LDLRAD3: variants seen among roughly 807,000 people sequenced by gnomAD.
LDLRAD3 encodes low-density lipoprotein receptor class A domain-containing protein 3.
A neutral mutation model predicts 29.4 loss-of-function variants in LDLRAD3; 20 were observed. The ratio of observed to expected loss-of-function variants is 0.68; its 90% confidence interval spans 0.48 to 0.99. The LOEUF is 0.99. LDLRAD3 is among the 50% of genes least tolerant of loss of function. LDLRAD3 has a pLI of 0.00. For synonymous variants in LDLRAD3, 157 were observed against 192.7 expected, an observed-to-expected ratio of 0.81 and a Z score of 1.53; for missense variants, 420 against 454.3, an observed-to-expected ratio of 0.92 and a Z score of 0.69.
intron 1 of LDLRAD3, among the ~76,000 whole-genome samples, chr11:36,026,618 G>C (rs1329709630): frequency 6.6e-6 from 1 of 152,216 alleles, no homozygotes; most frequent in African/African-American, 2.4e-5. Flanking sequence ...ACAGATTTCA[G>C]TAAAGAAGCC....
At chr11:35,959,473 T>A (rs1309905624) in intron 1 of LDLRAD3, among the ~76,000 whole-genome samples, 1 of 152,238 alleles carries the variant, frequency 6.6e-6, no homozygotes, top group African/African-American at 2.4e-5. Context: ...AAGATTAACT[T>A]GGGTGCTTTA....
chr11:36,008,015 G>T (rs1851906410), intron 1 of LDLRAD3, among the ~76,000 whole-genome samples: 1 of 152,208 alleles, frequency 6.6e-6, no homozygotes, highest in Non-Finnish European at 1.5e-5. Flanking sequence ...GGACTGTTCA[G>T]CCTACCTGAG....
At chr11:35,946,696 C>G (rs1301085665) in intron 1 of LDLRAD3, among the ~76,000 whole-genome samples, 1 of 152,184 alleles carries the variant, frequency 6.6e-6, no homozygotes, top group South Asian at 2.1e-4. Context: ...TGACCTTTGC[C>G]TAGACTTCCT....
At chr11:35,959,644 A>C (rs1420650705) in intron 1 of LDLRAD3, among the ~76,000 whole-genome samples, 1 of 152,154 alleles carries the variant, frequency 6.6e-6, no homozygotes, top group East Asian at 1.9e-4. Context: ...AAATGTGGCT[A>C]GGTGTGGTGG....
At chr11:36,187,249 T>A (rs1259075420) in intron 4 of LDLRAD3, among the ~76,000 whole-genome samples, 1 of 152,210 alleles carries the variant, frequency 6.6e-6, no homozygotes, top group African/African-American at 2.4e-5. Flanking sequence ...TGCTTAGAAC[T>A]ATATAAAGTA....
chr11:36,113,373 T>G (rs868787881), intron 4 of LDLRAD3, among the ~76,000 whole-genome samples: 9 of 151,708 alleles, frequency 5.9e-5, no homozygotes, highest in South Asian at 2.1e-4. Flanking sequence ...CCAAGACCAC[T>G]ACAGTGGTTA....
intron 4 of LDLRAD3, among the ~76,000 whole-genome samples, chr11:36,102,740 A>C (rs1379334134): frequency 6.6e-6 from 1 of 152,180 alleles, no homozygotes; most frequent in Non-Finnish European, 1.5e-5. Flanking sequence ...ATAGCTGTGG[A>C]GCAGGCTTTC....
chr11:36,165,976 C>CCTCCCTCCCTCCCTTCCTTCCTT (rs1554970298), intron 4 of LDLRAD3, among the ~76,000 whole-genome samples: 1 of 101,406 alleles, frequency 9.9e-6, no homozygotes, highest in African/African-American at 5.1e-5. Flanking sequence ...CTCCCTCCCT[C>CCTCCCTCCCTCCCTTCCTTCCTT]CCTTCCTTCC....
intron 3 of LDLRAD3, among the ~76,000 whole-genome samples, chr11:36,095,664 G>A (rs1487396029): frequency 6.6e-6 from 1 of 152,198 alleles, no homozygotes; most frequent in African/African-American, 2.4e-5. Flanking sequence ...TCCTTGGAAA[G>A]TTTGAGAGGT....
chr11:36,193,850 G>A (rs1246182601), intron 4 of LDLRAD3, among the ~76,000 whole-genome samples: 2 of 152,060 alleles, frequency 1.3e-5, no homozygotes. Context: ...TTGGAGGTCT[G>A]ACAGATTTGG....
chr11:35,945,975 A>T (rs911247839), intron 1 of LDLRAD3, among the ~76,000 whole-genome samples: 2 of 152,222 alleles, frequency 1.3e-5, no homozygotes, highest in African/African-American at 4.8e-5. Context: ...GTTTTCCATT[A>T]TCTGTGGGCT....
intron 2 of LDLRAD3, among the ~76,000 whole-genome samples, chr11:36,055,047 A>G (rs1406352991): frequency 9.9e-4 from 5 of 5,046 alleles, no homozygotes; most frequent in Admixed American, 1.9e-3. Context: ...GGATGCATGG[A>G]TGGATAGATG....
At chr11:36,076,740 T>C (rs1476088241) in intron 2 of LDLRAD3, among the ~76,000 whole-genome samples, 1 of 152,192 alleles carries the variant, frequency 6.6e-6, no homozygotes, top group African/African-American at 2.4e-5. Flanking sequence ...AATCTTACAA[T>C]ATATTTACAT....
chr11:36,177,342 G>A (rs1376412297), intron 4 of LDLRAD3, among the ~76,000 whole-genome samples: 1 of 152,092 alleles, frequency 6.6e-6, no homozygotes, highest in Non-Finnish European at 1.5e-5. Context: ...TCTTGATTTG[G>A]ATCCATTGCT....
intron 4 of LDLRAD3, among the ~76,000 whole-genome samples, chr11:36,180,496 C>T (rs1322850867): frequency 2.6e-5 from 4 of 152,028 alleles, no homozygotes; most frequent in Non-Finnish European, 4.4e-5. Flanking sequence ...AGGAGGCCTG[C>T]GAGGAGAGTG....
At chr11:36,123,771 C>T (rs908369848) in intron 4 of LDLRAD3, among the ~76,000 whole-genome samples, 6 of 152,212 alleles carry the variant, frequency 3.9e-5, no homozygotes, top group Non-Finnish European at 8.8e-5. Context: ...ACAGTGCCGA[C>T]CCCCTGACTC....
At chr11:36,015,630 C>G (rs938042419) in intron 1 of LDLRAD3, among the ~76,000 whole-genome samples, 3 of 151,702 alleles carry the variant, frequency 2.0e-5, no homozygotes, top group Non-Finnish European at 2.9e-5. Flanking sequence ...AACCCCAGAG[C>G]CCCGGTGGTG....
intron 1 of LDLRAD3, among the ~76,000 whole-genome samples, chr11:35,969,496 A>G (rs929350083): frequency 2.0e-5 from 3 of 152,208 alleles, no homozygotes; most frequent in Non-Finnish European, 2.9e-5. Flanking sequence ...TCATTGTGAT[A>G]GGCGTTTTGG....
chr11:35,949,460 G>C (rs1200147426), intron 1 of LDLRAD3, among the ~76,000 whole-genome samples: 1 of 152,102 alleles, frequency 6.6e-6, no homozygotes, highest in African/African-American at 2.4e-5. Context: ...TCACAGAGTA[G>C]GTATTGTTCT....
Sources: gnomAD v4.1 joint callset for allele counts (sites outside exome capture counted in the v4.1 genomes callset) on GRCh38, gnomAD v4.1.1 for gene constraint, MANE v1.5 for transcripts, NCBI Gene and HGNC (gene_info 2026-07-23, HGNC 2026-07-21) for gene names.